Variants in XRCC1 observed in about 807,000 individuals in gnomAD.
The protein encoded by XRCC1 is DNA repair protein XRCC1.
In XRCC1, 52 loss-of-function variants were observed where a neutral mutation model predicts 83.3. That is an observed-to-expected ratio of 0.62 (90% CI 0.50 to 0.79). The LOEUF (loss-of-function observed/expected upper bound fraction) is 0.79, where lower values mean the gene tolerates loss of function less well. XRCC1 is among the 30% of genes least tolerant of loss of function. The pLI is 0.00. For synonymous variants in XRCC1, 281 were observed against 312.6 expected (o/e 0.90, Z 1.07); for missense variants, 793 against 823.5 (o/e 0.96, Z 0.45).
Position 43,559,475 on chromosome 19 carries a change from A to G in XRCC1, c.255+1435T>C, listed in dbSNP as rs1424401269. Among the ~76,000 whole-genome samples, 10 of 75,316 alleles carry G rather than the reference A, an allele frequency of 1.3e-4. No individual in the cohort carries two copies. In the South Asian group the frequency reaches 3.5e-3, roughly 26 times the overall value. The allele number at this position is 75,316 out of a possible 152,430, so 49.4% of individuals were successfully genotyped here. A position where few individuals can be genotyped will look rare whatever the true frequency, so the allele number is the denominator to read the frequency against. ...AGCCTGGGCAACAGAGTGAGACTCC[A>G]TCTCAAAAAAAAAAAAAAAAAAAAA... On this transcript the variant is annotated intron_variant, in intron 3 of 16. Coordinates refer to ENST00000262887, the MANE Select transcript of XRCC1 (RefSeq NM_006297.3).
intron 12 of XRCC1, among the ~76,000 whole-genome samples, 162 bp from the exon 13 acceptor site, chr19:43,546,268 G>A (rs1315591539): frequency 1.3e-5 from 2 of 149,560 alleles, no homozygotes; most frequent in Non-Finnish European, 3.0e-5. Flanking sequence ...TGATCCAGGA[G>A]TCCAGGCCCC....
intron 2 of XRCC1, among the ~76,000 whole-genome samples, chr19:43,568,867 T>C (rs181749016): frequency 9.8e-4 from 148 of 151,388 alleles, no homozygotes; most frequent in African/African-American, 3.2e-3. Flanking sequence ...TATATGCATA[T>C]AATACCCATT....
At position 43,570,478 on chromosome 19, in the gene XRCC1, G is replaced by A. The variant is rs74897559; in HGVS notation, c.144+4432C>T. 1.4e-4 allele frequency among the ~76,000 whole-genome samples: 22 copies of A among 152,302 alleles called. No individual in the cohort carries two copies. In the East Asian group the frequency reaches 3.9e-3, roughly 27 times the overall value. On this transcript the variant is annotated intron_variant, in intron 2 of 16. Coordinates refer to ENST00000262887, the MANE Select transcript of XRCC1 (RefSeq NM_006297.3). Reference sequence around the variant, plus strand: ...ACAATAATTAGAGGAGAAAATGCAGGGTAGTAGAAGAACCCACAGATGTGG... The same window carrying A: ...ACAATAATTAGAGGAGAAAATGCAGAGTAGTAGAAGAACCCACAGATGTGG...
chr19:43,544,261 A>G, intron 14 of XRCC1, 27 bp from the exon 15 acceptor site: 1 of 1,580,716 alleles, frequency 6.3e-7, no homozygotes, highest in South Asian at 1.1e-5. Flanking sequence ...GGCTAAGGTA[A>G]GCATGAGGCC....
rs115843929 is a variant in XRCC1, at chr19:43,553,191, G to A, written c.602-100C>T. ...AGAATATTGTTGCCAAAACCCACCA[G>A]TGATCCAGGAGTCCCAGCCTCCAGA... On this transcript the variant is annotated intron_variant, in intron 6 of 16. Coordinates refer to ENST00000262887, the MANE Select transcript of XRCC1 (RefSeq NM_006297.3). 588 of 1,331,376 alleles carry A rather than the reference G, an allele frequency of 4.4e-4. 1 individual carries two copies. In the African/African-American group the frequency reaches 7.6e-3, roughly 17 times the overall value. The allele number at this position is 1,331,376 out of a possible 1,614,324, so 82.5% of individuals were successfully genotyped here.
chr19:43,546,155 G>T (rs895527712), intron 12 of XRCC1, 49 bp from the exon 13 acceptor site: 7 of 1,600,836 alleles, frequency 4.4e-6, no homozygotes, highest in Non-Finnish European at 6.0e-6. Flanking sequence ...CTCCTGGGAA[G>T]ACTGGCAGCT....
At chr19:43,554,176 T>C (rs541724820) in intron 4 of XRCC1, among the ~76,000 whole-genome samples, 6 of 152,302 alleles carry the variant, frequency 3.9e-5, no homozygotes, top group Non-Finnish European at 7.4e-5. Context: ...TGTGGCATCA[T>C]CACATACTCC....
intron 12 of XRCC1, 74 bp from the exon 13 acceptor site, chr19:43,546,180 C>T (rs1013939581): frequency 1.2e-4 from 182 of 1,550,680 alleles, no homozygotes; most frequent in South Asian, 1.7e-4. Context: ...CAGTATGGCA[C>T]AGACCCAGGC....
chr19:43,550,985 GT>G (rs372931828), intron 10 of XRCC1, among the ~76,000 whole-genome samples: 108 of 150,020 alleles, frequency 7.2e-4, no homozygotes, highest in Middle Eastern at 3.4e-3. Context: ...TGGTTTTTGG[GT>G]TTTTTTTTTC....
At chr19:43,548,765 T>TAAAAAAAAAAAA (rs1568512364) in intron 10 of XRCC1, among the ~76,000 whole-genome samples, 1 of 15,050 alleles carries the variant, frequency 6.6e-5, no homozygotes, top group Admixed American at 6.4e-4. Flanking sequence ...CCAAGAATGA[T>TAAAAAAAAAAAA]CAAAAAAAAA....
At chr19:43,555,613 C>CA (rs1972628349) in intron 3 of XRCC1, 1 of 152,214 alleles carries the variant, frequency 6.6e-6, no homozygotes, top group Non-Finnish European at 1.5e-5. Flanking sequence ...CCTGGAGCCC[C>CA]ACCTCCCAGT....
chr19:43,554,530 A>G, intron 4 of XRCC1, 116 bp downstream of exon 4: 2 of 1,320,270 alleles, frequency 1.5e-6, no homozygotes, highest in East Asian at 2.5e-5. Context: ...CCTCCCCATA[A>G]TCCCATGGGA....
At chr19:43,575,053 G>A (rs902803278) in intron 1 of XRCC1, 51 bp from the exon 2 acceptor site, 1 of 1,451,420 alleles carries the variant, frequency 6.9e-7, no homozygotes. Context: ...TGACAGCTAG[G>A]CCTCCAGCTC....
intron 10 of XRCC1, 24 bp downstream of exon 10, chr19:43,551,547 C>A (rs768931031): frequency 6.3e-7 from 1 of 1,587,978 alleles, no homozygotes; most frequent in South Asian, 1.1e-5. Context: ...GGATAAGGAG[C>A]AGGGTTGGCG....
intron 2 of XRCC1, among the ~76,000 whole-genome samples, chr19:43,565,868 G>A (rs1972746983): frequency 6.6e-6 from 1 of 151,082 alleles, no homozygotes; most frequent in African/African-American, 2.4e-5. Flanking sequence ...GAACCTGGGA[G>A]GTGGAGGTTG....
Position 43,575,447 on chromosome 19 carries a change from G to C in XRCC1, c.12C>G (p.Ile4Met), listed in dbSNP as rs777620461. Residue 4 changes from isoleucine to methionine, a missense_variant, in exon 1 of 17, where the codon ATC becomes ATG. Transcript: ENST00000262887. The part of the protein sequence containing the change: MPE[I>M]RLRHVVSCSS... ...TGCAGGACACGACATGGCGGAGGCG[G>C]ATCTCCGGCATGTCAACGTCGTGGG... 1.9e-6 allele frequency: 3 copies of C among 1,612,328 alleles called. No individual in the cohort carries two copies. The highest frequency in any genetic ancestry group is 2.2e-5 in the South Asian group (2 of 90,946).
chr19:43,562,942 C>T (rs1031448665), intron 2 of XRCC1, among the ~76,000 whole-genome samples: 3 of 152,256 alleles, frequency 2.0e-5, no homozygotes, highest in Non-Finnish European at 2.9e-5. Context: ...CATGAGCAAA[C>T]GGAGGCAGGA....
intron 15 of XRCC1, 73 bp from the exon 16 acceptor site, chr19:43,543,760 C>A: frequency 7.2e-7 from 1 of 1,397,878 alleles, no homozygotes; most frequent in Non-Finnish European, 1.0e-6. Context: ...CCCAGCCACT[C>A]TCAATGGCTG....
At chr19:43,553,313 G>A in intron 6 of XRCC1, 88 bp downstream of exon 6, 1 of 1,462,114 alleles carries the variant, frequency 6.8e-7, no homozygotes, top group Non-Finnish European at 9.5e-7. Context: ...TCAGACCCAG[G>A]AATCTGAGCC....
Sources: allele counts gnomAD v4.1 joint callset (sites outside exome capture counted in the v4.1 genomes callset), GRCh38; gene constraint gnomAD v4.1.1; transcripts MANE v1.5; gene names NCBI Gene and HGNC (gene_info 2026-07-23, HGNC 2026-07-21).